The following IL37 variants were observed in gnomAD, a reference collection of about 807,000 sequenced individuals.
IL37 encodes interleukin-37.
IL37 carries 15 observed loss-of-function variants against 15.4 expected under a neutral mutation model. The observed-to-expected ratio is 0.98, with a 90% CI of 0.65 to 1.50. The LOEUF is 1.50. IL37 is among the 40% of genes most tolerant of loss of function. The pLI, the probability that IL37 is intolerant of heterozygous loss-of-function variation, is 0.00. For missense variants in IL37, 269 were observed against 261.7 expected, an observed-to-expected ratio of 1.03 and a Z score of -0.19; for synonymous variants, 98 against 97.4, an observed-to-expected ratio of 1.01 and a Z score of -0.03.
At chr2:112,913,662 G>A in intron 2 of IL37, 130 bp from the exon 3 acceptor site, 1 of 730,450 alleles carries the variant, frequency 1.4e-6, no homozygotes, top group South Asian at 1.7e-5. Context: ...ATGATTTAAT[G>A]TCATTACTAT....
intron 4 of IL37, 120 bp downstream of exon 4, chr2:112,917,368 A>AG: frequency 5.9e-6 from 7 of 1,185,788 alleles, no homozygotes; most frequent in African/African-American, 1.5e-5. Context: ...GGAAGCGAGG[A>AG]GGAGAGGCCC....
chr2:112,912,743 TG>T (rs536011597), intron 1 of IL37, among the ~76,000 whole-genome samples: 134 of 152,364 alleles, frequency 8.8e-4, no homozygotes, highest in African/African-American at 2.7e-3. Flanking sequence ...AAAATGCTAT[TG>T]CACCCCGTGT....
At chr2:112,916,005 A>G (rs112537970) in intron 3 of IL37, among the ~76,000 whole-genome samples, 14,700 of 152,154 alleles carry the variant, frequency 0.097, 920 homozygotes, top group African/African-American at 0.16. Context: ...CTGCAGGGAG[A>G]TGACAGGAAA....
At chr2:112,912,167 C>A (rs1428830574) in intron 1 of IL37, among the ~76,000 whole-genome samples, 1 of 152,280 alleles carries the variant, frequency 6.6e-6, no homozygotes, top group East Asian at 1.9e-4. Context: ...GAACAAATCA[C>A]TTAACTTTTG....
chr2:112,914,265 C>T (rs1023477460), intron 3 of IL37, among the ~76,000 whole-genome samples: 2 of 152,202 alleles, frequency 1.3e-5, no homozygotes, highest in African/African-American at 4.8e-5. Context: ...ACCTTCCTCT[C>T]ATGCTGCCAT....
chr2:112,913,976 G>C, intron 3 of IL37, 122 bp downstream of exon 3: 1 of 768,464 alleles, frequency 1.3e-6, no homozygotes, highest in Non-Finnish European at 2.2e-6. Context: ...AAGGGTGCTG[G>C]ATGGGGCTGA....
chr2:112,918,722 A>G lies in IL37; in HGVS notation c.570A>G (p.Thr190=), dbSNP rs374056270. 65 of 1,614,166 alleles carry G rather than the reference A, an allele frequency of 4.0e-5. No individual in the cohort carries two copies. In the African/African-American group the frequency reaches 8.3e-4, roughly 21 times the overall value. ...SCNCNEPVGV[T]DKFENRKHIE... is the part of the protein sequence containing the mutation. Reference sequence around the variant, plus strand: ...ATTGTAATGAGCCTGTTGGGGTGACAGATAAATTTGAGAACAGGAAACACA... The same window carrying G: ...ATTGTAATGAGCCTGTTGGGGTGACGGATAAATTTGAGAACAGGAAACACA... The change falls in exon 6 of 6, where the codon ACA becomes ACG. Residue 190 remains threonine, a synonymous_variant. Transcript: ENST00000263326.
chr2:112,915,130 C>G, intron 3 of IL37: 1 of 1,488,612 alleles, frequency 6.7e-7, no homozygotes, highest in Non-Finnish European at 9.3e-7. Flanking sequence ...GGTCAAGGAT[C>G]ATGAGCGAGA....
intron 3 of IL37, among the ~76,000 whole-genome samples, chr2:112,914,866 GC>G (rs1683264285): frequency 6.6e-6 from 1 of 152,154 alleles, no homozygotes; most frequent in African/African-American, 2.4e-5. Context: ...ACATTCCCAG[GC>G]CCCACCACAG....
intron 3 of IL37, among the ~76,000 whole-genome samples, chr2:112,915,872 G>A (rs1001003781): frequency 6.6e-6 from 1 of 152,168 alleles, no homozygotes; most frequent in African/African-American, 2.4e-5. Context: ...CTCCTGGGGA[G>A]CTTACAGTGC....
chr2:112,913,612 T>C (rs1462604957), intron 2 of IL37, among the ~76,000 whole-genome samples, 180 bp from the exon 3 acceptor site: 1 of 152,196 alleles, frequency 6.6e-6, no homozygotes, highest in African/African-American at 2.4e-5. Context: ...AAACCCGTGA[T>C]CCAGTTCATC....
At chr2:112,914,736 C>T (rs917542236) in intron 3 of IL37, among the ~76,000 whole-genome samples, 4 of 152,218 alleles carry the variant, frequency 2.6e-5, no homozygotes, top group African/African-American at 9.6e-5. Context: ...GCCTCTCTGT[C>T]GGGCCTGTCC....
intron 3 of IL37, chr2:112,915,400 T>C: frequency 1.5e-6 from 1 of 677,858 alleles, no homozygotes; most frequent in Non-Finnish European, 2.6e-6. Flanking sequence ...CACCAGGTGA[T>C]TCCCAGTGTG....
Position 112,917,240 on chromosome 2 carries a change from T to G in IL37, c.257T>G (p.Ile86Arg). ...ATAGCAGTTCCAGATAAAAACTACA[T>G]ACGCCCAGGTGACTCTCAGTTTTGG... ...NLIAVPDKNY[I>R]RPEIFFALAS... Residue 86 changes from isoleucine to arginine, a missense_variant, in exon 4 of 6, where the codon ATA becomes AGA. By Grantham distance (97) the Ile-to-Arg change is moderately conservative. Coordinates refer to ENST00000263326, the MANE Select transcript of IL37 (RefSeq NM_014439.4). The G allele has an allele frequency of 1.9e-6, 3 of 1,613,942 alleles. No homozygotes were observed. The highest frequency in any genetic ancestry group is 2.5e-6 in the Non-Finnish European group (3 of 1,179,910).
Position 112,918,816 on chromosome 2 carries a change from G to GC in IL37, c.*11dup, listed in dbSNP as rs1464104819. 1.2e-6 allele frequency: 2 copies of GC among 1,606,026 alleles called. No individual in the cohort carries two copies. Among genetic ancestry groups the GC allele is most frequent in the South Asian group, 2.2e-5 (2 of 90,866 alleles). Reference sequence around the variant, plus strand: ...CAGTGAGGTCAGCGATTAGGAAACTGCCCCATTGAACGCCTTCCTCGCTAA... The same window carrying GC: ...CAGTGAGGTCAGCGATTAGGAAACTGCCCCCATTGAACGCCTTCCTCGCTAA... On this transcript the variant is annotated 3_prime_UTR_variant, in exon 6 of 6. Coordinates refer to ENST00000263326, the MANE Select transcript of IL37 (RefSeq NM_014439.4).
chr2:112,917,064 G>A (rs1319642825), intron 3 of IL37, 65 bp from the exon 4 acceptor site: 4 of 1,585,700 alleles, frequency 2.5e-6, no homozygotes, highest in Admixed American at 3.4e-5. Flanking sequence ...CTTGGACGTG[G>A]GGAAGAAAGG....
chr2:112,911,805 T>G (rs1683184414), intron 1 of IL37, among the ~76,000 whole-genome samples: 1 of 152,188 alleles, frequency 6.6e-6, no homozygotes, highest in African/African-American at 2.4e-5. Context: ...CAGACATCTC[T>G]TGCTCTGATG....
At position 112,917,625 on chromosome 2, in the gene IL37, CT is replaced by C; in HGVS notation, c.266-5del. Reference sequence around the variant, plus strand: ...CAGAACCCACACATGTTCTGACTGTCTTTTTCCAGAGATCTTCTTTGCATTA... The same window carrying C: ...CAGAACCCACACATGTTCTGACTGTCTTTTCCAGAGATCTTCTTTGCATTA... On this transcript the variant is annotated splice_polypyrimidine_tract_variant and intron_variant, in intron 4 of 5. Coordinates refer to ENST00000263326, the MANE Select transcript of IL37 (RefSeq NM_014439.4). 1 of 1,556,396 alleles carries C rather than the reference CT, an allele frequency of 6.4e-7. No individual in the cohort carries two copies. Among genetic ancestry groups the C allele is most frequent in the Admixed American group, 2.0e-5 (1 of 51,224 alleles).
intron 2 of IL37, 69 bp downstream of exon 2, chr2:112,913,163 T>C: frequency 9.3e-7 from 1 of 1,072,304 alleles, no homozygotes. Context: ...TGCTAGGTGC[T>C]GTGCACAGAC....
Sources: gnomAD v4.1 joint callset for allele counts (sites outside exome capture counted in the v4.1 genomes callset) on GRCh38, gnomAD v4.1.1 for gene constraint, MANE v1.5 for transcripts, NCBI Gene and HGNC (gene_info 2026-07-23, HGNC 2026-07-21) for gene names.